APBA2: variants seen among roughly 807,000 people sequenced by gnomAD.
APBA2 encodes the protein amyloid-beta A4 precursor protein-binding family A member 2.
A neutral mutation model predicts 75.0 loss-of-function variants in APBA2; 30 were observed. That is an observed-to-expected ratio of 0.40 (90% CI 0.30 to 0.54). The LOEUF is 0.54. APBA2 is among the 20% of genes least tolerant of loss of function. The pLI, the probability that APBA2 is intolerant of heterozygous loss-of-function variation, is 0.49. For synonymous variants in APBA2, 444 were observed against 409.6 expected (o/e 1.08, Z -1.01); for missense variants, 801 against 1,016.1 (o/e 0.79, Z 2.88).
intron 4 of APBA2, chr15:29,071,042 T>G (rs1434461341): frequency 2.6e-5 from 12 of 456,656 alleles, no homozygotes; most frequent in South Asian, 1.7e-4. Context: ...CTGACATGGC[T>G]GTCATTCCAG....
intron 1 of APBA2, among the ~76,000 whole-genome samples, chr15:28,894,483 C>T (rs569819517): frequency 6.6e-6 from 1 of 152,172 alleles, no homozygotes; most frequent in Non-Finnish European, 1.5e-5. Context: ...GATCATGGAC[C>T]CCATCCTATA....
intron 3 of APBA2, among the ~76,000 whole-genome samples, chr15:29,045,466 C>T (rs921527161): frequency 7.9e-5 from 12 of 152,008 alleles, no homozygotes; most frequent in African/African-American, 2.4e-4. Flanking sequence ...AAAGACCCCA[C>T]CTCCTAATGC....
At chr15:29,098,086 G>C (rs867696176) in intron 8 of APBA2, among the ~76,000 whole-genome samples, 6 of 152,312 alleles carry the variant, frequency 3.9e-5, no homozygotes, top group African/African-American at 1.4e-4. Flanking sequence ...TGTCTTGGCT[G>C]TTGTGGATAG....
At position 29,116,606 on chromosome 15, in the gene APBA2, C is replaced by A. The variant is rs1388470452; in HGVS notation, c.2179-456C>A. Among the ~76,000 whole-genome samples, 8 of 146,332 alleles carry A rather than the reference C, an allele frequency of 5.5e-5. 1 individual carries two copies. The highest frequency in any genetic ancestry group is 9.0e-5 in the Non-Finnish European group (6 of 67,018). Reference sequence around the variant, plus strand: ...TTGCACCACTGCACTCCAGCCTGGGCGACAGAGCAAGACTCCGTCTCAAAA... The same window carrying A: ...TTGCACCACTGCACTCCAGCCTGGGAGACAGAGCAAGACTCCGTCTCAAAA... On this transcript the variant is annotated intron_variant, in intron 14 of 14. Coordinates refer to ENST00000683413, the MANE Select transcript of APBA2 (RefSeq NM_001353788.2).
At chr15:28,888,958 G>A (rs1405304648) in intron 1 of APBA2, among the ~76,000 whole-genome samples, 1 of 151,802 alleles carries the variant, frequency 6.6e-6, no homozygotes, top group Admixed American at 6.6e-5. Flanking sequence ...GCCCGGTGGG[G>A]GCTGGGGGTG....
intron 8 of APBA2, among the ~76,000 whole-genome samples, chr15:29,097,814 C>T (rs2152957615): frequency 6.6e-6 from 1 of 152,310 alleles, no homozygotes; most frequent in Non-Finnish European, 1.5e-5. Context: ...TCCCCCTTCA[C>T]TCCTTTGCCC....
chr15:29,017,379 A>T (rs1454473618), intron 3 of APBA2, among the ~76,000 whole-genome samples: 147 of 113,996 alleles, frequency 1.3e-3, no homozygotes, highest in South Asian at 2.9e-3. Flanking sequence ...ATATTTTTCC[A>T]TCTTCTTTTC....
At chr15:28,998,267 C>T (rs561335744) in intron 3 of APBA2, among the ~76,000 whole-genome samples, 7 of 149,358 alleles carry the variant, frequency 4.7e-5, no homozygotes, top group African/African-American at 1.5e-4. Context: ...GTCCTATAGG[C>T]CCTCGATCTA....
chr15:29,113,452 T>C (rs546588800), intron 13 of APBA2, among the ~76,000 whole-genome samples: 2 of 152,266 alleles, frequency 1.3e-5, no homozygotes, highest in Non-Finnish European at 2.9e-5. Context: ...ATGCCCCACC[T>C]TTCTGGTGGC....
intron 4 of APBA2, among the ~76,000 whole-genome samples, chr15:29,074,243 G>A (rs1444992957): frequency 6.6e-6 from 1 of 152,166 alleles, no homozygotes; most frequent in Non-Finnish European, 1.5e-5. Flanking sequence ...AGCAACCCAA[G>A]TGTCCATCAA....
intron 1 of APBA2, among the ~76,000 whole-genome samples, chr15:28,902,139 C>T (rs1263055950): frequency 6.6e-6 from 1 of 152,004 alleles, no homozygotes; most frequent in Admixed American, 6.6e-5. Flanking sequence ...GACCTCTGTC[C>T]ACAGAGCCCA....
At chr15:29,003,820 A>C (rs1266459705) in intron 3 of APBA2, among the ~76,000 whole-genome samples, 1 of 152,238 alleles carries the variant, frequency 6.6e-6, no homozygotes, top group Non-Finnish European at 1.5e-5. Flanking sequence ...AGGTCTCCTG[A>C]CAAATTGATC....
At chr15:28,915,964 C>T (rs1423223779) in intron 1 of APBA2, among the ~76,000 whole-genome samples, 10 of 152,160 alleles carry the variant, frequency 6.6e-5, no homozygotes, top group Non-Finnish European at 1.0e-4. Flanking sequence ...ACATCACATA[C>T]TCTGTATCTG....
At chr15:29,023,426 C>T (rs1173160833) in intron 3 of APBA2, among the ~76,000 whole-genome samples, 1 of 140,518 alleles carries the variant, frequency 7.1e-6, no homozygotes, top group Non-Finnish European at 1.5e-5. Flanking sequence ...ATTTGATGGC[C>T]ATTATACCTT....
intron 1 of APBA2, among the ~76,000 whole-genome samples, chr15:28,907,816 C>T (rs1243217732): frequency 1.3e-5 from 2 of 152,124 alleles, no homozygotes; most frequent in Admixed American, 6.5e-5. Flanking sequence ...CCCTTTCAGC[C>T]ATAAAGTCTG....
At chr15:29,100,695 T>C (rs933582655) in intron 9 of APBA2, among the ~76,000 whole-genome samples, 1 of 152,232 alleles carries the variant, frequency 6.6e-6, no homozygotes, top group Admixed American at 6.5e-5. Flanking sequence ...TTGGCCTTGA[T>C]GCTTTCCTCT....
chr15:29,067,557 G>A (rs2042432109), intron 4 of APBA2, among the ~76,000 whole-genome samples: 1 of 152,198 alleles, frequency 6.6e-6, no homozygotes, highest in African/African-American at 2.4e-5. Flanking sequence ...AGGAGTGGAA[G>A]GAACAGATCC....
chr15:28,929,339 A>G (rs1056270142), intron 2 of APBA2, among the ~76,000 whole-genome samples: 8 of 152,216 alleles, frequency 5.3e-5, no homozygotes, highest in East Asian at 1.9e-4. Context: ...CCACCTGGCT[A>G]TGGGTGGCTG....
chr15:28,922,494 C>T (rs2034024036), intron 2 of APBA2, among the ~76,000 whole-genome samples: 1 of 152,160 alleles, frequency 6.6e-6, no homozygotes, highest in Non-Finnish European at 1.5e-5. Context: ...TCTTCTACAG[C>T]CAGCCATTGT....
Sources: gnomAD v4.1 joint callset for allele counts (sites outside exome capture counted in the v4.1 genomes callset) on GRCh38, gnomAD v4.1.1 for gene constraint, MANE v1.5 for transcripts, NCBI Gene and HGNC (gene_info 2026-07-23, HGNC 2026-07-21) for gene names.